Variants in FAT1 observed in about 807,000 individuals in gnomAD.
The protein encoded by FAT1 is protocadherin Fat 1.
FAT1 carries 171 observed loss-of-function variants against 329.8 expected under a neutral mutation model. That is an observed-to-expected ratio of 0.52 (90% confidence interval 0.46 to 0.59). The LOEUF is 0.59. Among genes scored for constraint, FAT1 ranks in the 20% least tolerant of loss-of-function variants. FAT1 has a pLI of 0.00. For missense variants in FAT1, 5,672 were observed against 5,774.4 expected, an observed-to-expected ratio of 0.98 and a Z score of 0.57; for synonymous variants, 2,233 against 2,228.6, an observed-to-expected ratio of 1.00 and a Z score of -0.06.
At chr4:186,595,274 T>TA (rs992598426) in intron 26 of FAT1, among the ~76,000 whole-genome samples, 79 of 151,482 alleles carry the variant, frequency 5.2e-4, no homozygotes, top group African/African-American at 1.9e-3. Flanking sequence ...CATTTCAGAC[T>TA]ATCACATCTC....
rs566264587 is a variant in FAT1 at position 186,707,779 on chromosome 4, C to T, written c.2049G>A (p.Leu683=). Residue 683 remains leucine, a synonymous_variant, in exon 2 of 27, where the codon CTG becomes CTA. Transcript: ENST00000441802. ...QCEETGVAKM[L]AEKLLQANKL... ...TATTTGCCTGCAGGAGCTTCTCTGC[C>T]AGCATTTTGGCAACACCAGTCTCTT... 1 of 1,613,658 alleles carries T rather than the reference C, an allele frequency of 6.2e-7. No homozygotes were observed. The highest frequency in any genetic ancestry group is 2.2e-5 in the East Asian group (1 of 44,878).
chr4:186,662,970 G>C (rs1010932258), intron 3 of FAT1, among the ~76,000 whole-genome samples: 1 of 151,970 alleles, frequency 6.6e-6, no homozygotes, highest in African/African-American at 2.4e-5. Context: ...TGGAGTAGCT[G>C]GGACTACAGG....
At chr4:186,595,316 T>TGTGTGA (rs1491514647) in intron 26 of FAT1, among the ~76,000 whole-genome samples, 2 of 144,214 alleles carry the variant, frequency 1.4e-5, no homozygotes, top group African/African-American at 2.7e-5. Flanking sequence ...TGTGTGTGTG[T>TGTGTGA]GAGAGAGAGT....
chr4:186,686,128 T>C (rs1743448494), intron 2 of FAT1, among the ~76,000 whole-genome samples: 1 of 152,174 alleles, frequency 6.6e-6, no homozygotes, highest in South Asian at 2.1e-4. Flanking sequence ...ATGGATTTCT[T>C]ACTTCCAGAT....
At chr4:186,677,433 C>A (rs1458500957) in intron 2 of FAT1, among the ~76,000 whole-genome samples, 1 of 151,468 alleles carries the variant, frequency 6.6e-6, no homozygotes, top group Non-Finnish European at 1.5e-5. Flanking sequence ...TTCGTTAAGG[C>A]AAAACATCAA....
At chr4:186,717,366 AT>A (rs1329257551) in intron 1 of FAT1, among the ~76,000 whole-genome samples, 1 of 152,200 alleles carries the variant, frequency 6.6e-6, no homozygotes, top group African/African-American at 2.4e-5. Context: ...GGCTTGGTAT[AT>A]GTCATTTAAT....
Position 186,628,224 on chromosome 4 carries a change from A to C in FAT1, c.4740T>G (p.Val1580=), listed in dbSNP as rs757649322. 1.1e-5 allele frequency: 17 copies of C among 1,613,890 alleles called. No individual in the cohort carries two copies. The highest frequency in any genetic ancestry group is 1.4e-5 in the Non-Finnish European group (17 of 1,179,868). ...TGTCCAGAGCCGTCACCTGCAACAC[A>C]ACTGAGCCAACGGCTGCCGATTCAT... The part of the protein sequence containing the change: ...RVYESAAVGS[V]VLQVTALDKD... The change falls in exon 9 of 27, where the codon GTT becomes GTG. Residue 1580 remains valine, a synonymous_variant. Coordinates refer to ENST00000441802, the MANE Select transcript of FAT1 (RefSeq NM_005245.4).
chr4:186,598,468 T>C (rs1004781522), intron 22 of FAT1: 67 of 181,290 alleles, frequency 3.7e-4, no homozygotes, highest in African/African-American at 1.5e-3. Flanking sequence ...TTCACAAGCA[T>C]TTAAGGATTA....
At chr4:186,615,499 C>T (rs1458979324) in intron 11 of FAT1, among the ~76,000 whole-genome samples, 3 of 152,162 alleles carry the variant, frequency 2.0e-5, no homozygotes, top group Non-Finnish European at 4.4e-5. Context: ...CCCTGTCACT[C>T]TCAGCCTTCT....
chr4:186,637,282 T>C (rs1044636585), intron 4 of FAT1, among the ~76,000 whole-genome samples: 1 of 152,202 alleles, frequency 6.6e-6, no homozygotes, highest in Non-Finnish European at 1.5e-5. Flanking sequence ...GTGAAGATTC[T>C]GCTTTACACA....
At position 186,621,002 on chromosome 4, in the gene FAT1, C is replaced by T. The variant is rs567598137; in HGVS notation, c.5584G>A (p.Ala1862Thr). ...ATTACATGTACTGTTACATTCGCTG[C>T]ATACTCAGCAAATAAACGTGGGGTT... ...MGTPRLFAEY[A>T]ANVTVHVIDI... is the part of the protein sequence containing the mutation. Residue 1862 changes from alanine to threonine, a missense_variant, in exon 10 of 27, where the codon GCA (alanine) becomes ACA (threonine). Coordinates refer to ENST00000441802, the MANE Select transcript of FAT1 (RefSeq NM_005245.4). The T allele has an allele frequency of 6.2e-7, 1 of 1,612,736 alleles. No individual in the cohort carries two copies. Among genetic ancestry groups the T allele is most frequent in the South Asian group, 1.1e-5 (1 of 91,062 alleles).
At chr4:186,651,884 G>A (rs1190095767) in intron 3 of FAT1, among the ~76,000 whole-genome samples, 1 of 152,238 alleles carries the variant, frequency 6.6e-6, no homozygotes, top group African/African-American at 2.4e-5. Context: ...TCTTTCGGCA[G>A]CTGTGGCCGT....
chr4:186,618,909 C>T lies in FAT1; in HGVS notation c.7677G>A (p.Pro2559=), dbSNP rs374834168. The T allele has an allele frequency of 1.4e-5, 23 of 1,613,894 alleles. No individual in the cohort carries two copies. Among genetic ancestry groups the T allele is most frequent in the African/African-American group, 5.3e-5 (4 of 75,038 alleles). Residue 2559 remains proline, a synonymous_variant, in exon 10 of 27, where the codon CCG becomes CCA. Transcript: ENST00000441802. ...AACGGACTGAGATCACTTTCTCCGCCGGGGTTTCTCGATCAAGTTTTTCCA... is the reference window on the plus strand; with the variant it reads ...AACGGACTGAGATCACTTTCTCCGCTGGGGTTTCTCGATCAAGTTTTTCCA... The part of the protein sequence containing the change: ...FTLEKLDRET[P]AEKVISVRLM...
Position 186,620,895 on chromosome 4 carries a change from T to C in FAT1, c.5691A>G (p.Lys1897=), listed in dbSNP as rs2126520235. The change falls in exon 10 of 27, where the codon AAA becomes AAG. Residue 1897 remains lysine, a synonymous_variant. Coordinates refer to ENST00000441802, the MANE Select transcript of FAT1 (RefSeq NM_005245.4). ...CATCTGTAGCATTTACTGTGATGAC[T>C]TTTACTCCTTTGTATGTTGGTAACA... ...SLLLPTYKGV[K]VITVNATDAD... The C allele has an allele frequency of 6.2e-7, 1 of 1,614,006 alleles. No individual in the cohort carries two copies. Among genetic ancestry groups the C allele is most frequent in the African/African-American group, 1.3e-5 (1 of 75,042 alleles).
At chr4:186,625,516 G>A (rs1395874638) in intron 9 of FAT1, among the ~76,000 whole-genome samples, 1 of 151,964 alleles carries the variant, frequency 6.6e-6, no homozygotes, top group Non-Finnish European at 1.5e-5. Context: ...TTTATTACAT[G>A]ATCTATAATT....
intron 15 of FAT1, among the ~76,000 whole-genome samples, chr4:186,609,556 A>T (rs1739301470): frequency 6.6e-6 from 1 of 152,070 alleles, no homozygotes; most frequent in Non-Finnish European, 1.5e-5. Context: ...AGCTGGGACT[A>T]CAGGCGCCCG....
In FAT1 at chr4:186,621,405, A is replaced by G. The variant is rs1189368245; in HGVS notation, c.5181T>C (p.Phe1727=). 3 of 1,614,050 alleles carry G rather than the reference A, an allele frequency of 1.9e-6. No homozygotes were observed. Among genetic ancestry groups the G allele is most frequent in the Non-Finnish European group, 8.5e-7 (1 of 1,179,892 alleles). ...TCAATGTGTAAATGGGCAAAGTTTCAAAGTCCAGGGCTTTCTGAGTGATGA... is the reference window on the plus strand; with the variant it reads ...TCAATGTGTAAATGGGCAAAGTTTCGAAGTCCAGGGCTTTCTGAGTGATGA... ...GTIITQKALD[F]ETLPIYTLII... The change falls in exon 10 of 27, where the codon TTT becomes TTC. Residue 1727 remains phenylalanine (F), a synonymous_variant. Transcript: ENST00000441802.
At chr4:186,692,950 A>G (rs1233754490) in intron 2 of FAT1, among the ~76,000 whole-genome samples, 1 of 152,196 alleles carries the variant, frequency 6.6e-6, no homozygotes, top group Non-Finnish European at 1.5e-5. Context: ...GAATTCTCCA[A>G]TTCCTTTGGG....
chr4:186,707,401 A>C lies in FAT1; in HGVS notation c.2427T>G (p.His809Gln). 1 of 1,614,040 alleles carries C rather than the reference A, an allele frequency of 6.2e-7. No individual in the cohort carries two copies. Among genetic ancestry groups the C allele is most frequent in the South Asian group, 1.1e-5 (1 of 91,086 alleles). ...TATCATTGGCATCGACAACCACGAC[A>C]TGTAGAAGACGCCACGCAGCCTTCT... ...IPQKAAWRLL[H>Q]VVVVDANDNP... Residue 809 changes from histidine (H) to glutamine (Q), a missense_variant, in exon 2 of 27, where the codon CAT (histidine) becomes CAG (glutamine). His to Gln is a conservative substitution (Grantham distance 24). This residue lies in a region of FAT1 where 3,966 missense variants were observed against 3,915.2 expected (regional missense o/e 1.01). Transcript: ENST00000441802.
Sources: allele counts gnomAD v4.1 joint callset (sites outside exome capture counted in the v4.1 genomes callset), GRCh38; gene constraint gnomAD v4.1.1; regional missense constraint gnomAD v4.1.1; transcripts MANE v1.5; gene names NCBI Gene and HGNC (gene_info 2026-07-23, HGNC 2026-07-21).